Variants in MRC1 observed in about 807,000 individuals in gnomAD.
MRC1 encodes macrophage mannose receptor 1.
Under a neutral mutation model 102.9 loss-of-function variants are expected in MRC1, and 62 were observed. The observed-to-expected ratio is 0.60, with a 90% confidence interval of 0.49 to 0.74. MRC1 has a LOEUF of 0.74. Among genes scored for constraint, MRC1 ranks in the 30% least tolerant of loss-of-function variants. MRC1 has a pLI of 0.00. For missense variants in MRC1, 1,237 were observed against 862.8 expected (o/e 1.43, Z -5.43); for synonymous variants, 457 against 298.4 (o/e 1.53, Z -5.48).
chr10:17,840,065 C>CAAAAAAAAA, intron 4 of MRC1, among the ~76,000 whole-genome samples: 1 of 103,066 alleles, frequency 9.7e-6, no homozygotes, highest in Non-Finnish European at 1.8e-5. Flanking sequence ...GACTCCAACT[C>CAAAAAAAAA]AAAAAAAAAA....
intron 6 of MRC1, among the ~76,000 whole-genome samples, chr10:17,848,480 A>G (rs987249295): frequency 6.6e-6 from 1 of 152,138 alleles, no homozygotes; most frequent in African/African-American, 2.4e-5. Flanking sequence ...TTACTATTAA[A>G]TTTTTGCAGC....
Position 17,875,116 on chromosome 10 carries a change from G to T in MRC1, c.2413G>T (p.Val805Phe). The stretch of plus-strand genomic sequence containing the variant: ...TCCACCAGTTACTGAAGATGGGTGG[G>T]TTATTTACAAAGACTACCAGTATTA... The part of the protein sequence containing the change: ...DNPPVTEDGW[V>F]IYKDYQYYFS... Residue 805 changes from valine (V) to phenylalanine (F), a missense_variant, in exon 17 of 30, where the codon GTT becomes TTT. Transcript: ENST00000569591. 1 of 780,808 alleles carries T rather than the reference G, an allele frequency of 1.3e-6. No homozygotes were observed. Among genetic ancestry groups the T allele is most frequent in the Non-Finnish European group, 2.4e-6 (1 of 417,934 alleles). The allele number at this position is 780,808 out of a possible 1,614,324, so 48.4% of individuals were successfully genotyped here. A position where few individuals can be genotyped will look rare whatever the true frequency, so the allele number is the denominator to read the frequency against.
intron 4 of MRC1, among the ~76,000 whole-genome samples, chr10:17,834,865 AG>A (rs1838639137): frequency 6.6e-6 from 1 of 152,154 alleles, no homozygotes; most frequent in South Asian, 2.1e-4. Flanking sequence ...TGGGAGCAAA[AG>A]CATCCCCGAT....
At chr10:17,893,613 C>A (rs1451597653) in intron 22 of MRC1, among the ~76,000 whole-genome samples, 1 of 152,052 alleles carries the variant, frequency 6.6e-6, no homozygotes, top group Non-Finnish European at 1.5e-5. Flanking sequence ...AAAAAAAAAT[C>A]TGAGATATAT....
intron 24 of MRC1, among the ~76,000 whole-genome samples, chr10:17,899,857 G>A (rs1377198783): frequency 6.6e-6 from 1 of 152,076 alleles, no homozygotes; most frequent in African/African-American, 2.4e-5. Context: ...CCAGCAGTTT[G>A]GGAGGCTGAG....
At chr10:17,897,168 A>G (rs930867078) in intron 23 of MRC1, among the ~76,000 whole-genome samples, 33 of 152,326 alleles carry the variant, frequency 2.2e-4, no homozygotes, top group African/African-American at 7.5e-4. Context: ...AAACTTTTTC[A>G]GCTCACAGGA....
intron 27 of MRC1, 121 bp downstream of exon 27, chr10:17,907,120 CA>C (rs2130725209): frequency 1.4e-6 from 1 of 698,970 alleles, no homozygotes; most frequent in East Asian, 2.5e-5. Context: ...TTTGAAAATT[CA>C]AACTCATATT....
intron 3 of MRC1, among the ~76,000 whole-genome samples, chr10:17,833,100 G>C (rs1554839182): frequency 1.3e-5 from 2 of 151,768 alleles, no homozygotes; most frequent in Non-Finnish European, 1.5e-5. Flanking sequence ...TCCCGAAAGG[G>C]AAATCGTGCC....
At chr10:17,836,055 G>T (rs1589170141) in intron 4 of MRC1, among the ~76,000 whole-genome samples, 4 of 152,230 alleles carry the variant, frequency 2.6e-5, no homozygotes, top group Admixed American at 2.6e-4. Flanking sequence ...GGGGGAGCTT[G>T]TGGGGATTTG....
chr10:17,833,858 T>C lies in MRC1; in HGVS notation c.802+19T>C. On this transcript the variant is annotated intron_variant, in intron 4 of 29. Coordinates refer to ENST00000569591, the MANE Select transcript of MRC1 (RefSeq NM_002438.4). ...CTGACAGGTAAGGACATGAAAAGTC[T>C]CAAGTAAAATCATGACTGCTTTATT... 1.3e-6 allele frequency: 1 copy of C among 779,764 alleles called. No individual in the cohort carries two copies. The highest frequency in any genetic ancestry group is 2.4e-6 in the Non-Finnish European group (1 of 417,540). The allele number at this position is 779,764 out of a possible 1,614,324, so 48.3% of individuals were successfully genotyped here.
At chr10:17,905,762 C>G (rs1213840458) in intron 26 of MRC1, among the ~76,000 whole-genome samples, 2 of 152,132 alleles carry the variant, frequency 1.3e-5, no homozygotes, top group South Asian at 4.1e-4. Flanking sequence ...TACGGACCCT[C>G]AAGGTTCAGA....
At chr10:17,854,048 G>C (rs943333424) in intron 8 of MRC1, among the ~76,000 whole-genome samples, 225 of 152,198 alleles carry the variant, frequency 1.5e-3, no homozygotes, top group Non-Finnish European at 2.7e-3. Flanking sequence ...GCTCATTGCA[G>C]TCTTGACCTC....
intron 22 of MRC1, among the ~76,000 whole-genome samples, chr10:17,893,523 G>C (rs1366120931): frequency 4.0e-5 from 6 of 151,834 alleles, no homozygotes; most frequent in South Asian, 2.1e-4. Flanking sequence ...ATTGAAATGG[G>C]GCAGGCAGCA....
At chr10:17,826,880 A>G (rs971964695) in intron 2 of MRC1, among the ~76,000 whole-genome samples, 4 of 152,220 alleles carry the variant, frequency 2.6e-5, no homozygotes, top group African/African-American at 9.6e-5. Flanking sequence ...TTAGAGAACA[A>G]TGCCAAAATG....
rs1833218480 is a variant in MRC1 at position 17,863,648 on chromosome 10, G to A, written c.1749G>A (p.Glu583=). 1 of 780,702 alleles carries A rather than the reference G, an allele frequency of 1.3e-6. No homozygotes were observed. Among genetic ancestry groups the A allele is most frequent in the African/African-American group, 1.7e-5 (1 of 59,134 alleles). 48.4% of individuals were successfully genotyped at this position (780,702 alleles called of 1,614,324 possible). A position where few individuals can be genotyped will look rare whatever the true frequency, so the allele number is the denominator to read the frequency against. ...CTTTTCAGTGGACCATCGAGGAAGA[G>A]GTTCGGTTCACCCACTGGAATTCAG... ...KGTFQWTIEE[E]VRFTHWNSDM... is the part of the protein sequence containing the mutation. The change falls in exon 11 of 30, where the codon GAG becomes GAA. Residue 583 remains glutamate, a synonymous_variant. Coordinates refer to ENST00000569591, the MANE Select transcript of MRC1 (RefSeq NM_002438.4).
At position 17,875,165 on chromosome 10, in the gene MRC1, T is replaced by C. The variant is rs1357909851; in HGVS notation, c.2462T>C (p.Met821Thr). 4 of 780,786 alleles carry C rather than the reference T, an allele frequency of 5.1e-6. No individual in the cohort carries two copies. The highest frequency in any genetic ancestry group is 4.0e-5 in the South Asian group (3 of 74,626). The allele number at this position is 780,786 out of a possible 1,614,324, so 48.4% of individuals were successfully genotyped here. Reference sequence around the variant, plus strand: ...TATTTCAGCAAAGAGAAGGAAACCATGGACAATGCGCGAGCGTTTTGCAAG... The same window carrying C: ...TATTTCAGCAAAGAGAAGGAAACCACGGACAATGCGCGAGCGTTTTGCAAG... ...QYYFSKEKETMDNARAFCKRN... is the reference protein window; with the variant it reads ...QYYFSKEKETTDNARAFCKRN... Residue 821 changes from methionine to threonine, a missense_variant, in exon 17 of 30, where the codon ATG becomes ACG. Physicochemically the swap from Met to Thr is moderately conservative, Grantham distance 81. Transcript: ENST00000569591.
chr10:17,882,674 A>G (rs1442913856), intron 21 of MRC1, among the ~76,000 whole-genome samples: 1 of 152,222 alleles, frequency 6.6e-6, no homozygotes, highest in African/African-American at 2.4e-5. Context: ...CTGAGAACAC[A>G]TTGTACAATA....
intron 4 of MRC1, among the ~76,000 whole-genome samples, chr10:17,837,357 A>G (rs1838682787): frequency 6.6e-6 from 1 of 152,208 alleles, no homozygotes; most frequent in Admixed American, 6.5e-5. Context: ...AAAAACTCTG[A>G]CAGGGAATTT....
chr10:17,906,110 A>G lies in MRC1; in HGVS notation c.3800-776A>G, dbSNP rs1833891317. On this transcript the variant is annotated intron_variant, in intron 26 of 29. Transcript: ENST00000569591. ...GAATGGTCCTATACATAACAGCTGGATTCTAATAATAACTAATATAGGACC... is the reference window on the plus strand; with the variant it reads ...GAATGGTCCTATACATAACAGCTGGGTTCTAATAATAACTAATATAGGACC... Among the ~76,000 whole-genome samples the G allele has an allele frequency of 2.0e-5, 3 of 152,128 alleles. No individual in the cohort carries two copies. In the South Asian group the frequency reaches 6.2e-4, roughly 32 times the overall value.
Sources: allele counts gnomAD v4.1 joint callset (sites outside exome capture counted in the v4.1 genomes callset), GRCh38; gene constraint gnomAD v4.1.1; transcripts MANE v1.5; gene names NCBI Gene and HGNC (gene_info 2026-07-23, HGNC 2026-07-21).